The following ADAM29 variants were observed in gnomAD, a reference collection of about 807,000 sequenced individuals.
The protein encoded by ADAM29 is ADAM metallopeptidase domain 29, also known as disintegrin and metalloproteinase domain-containing protein 29.
For missense variants in ADAM29, 969 were observed against 1,001.8 expected (o/e 0.97, Z 0.44); for synonymous variants, 367 against 342.3 (o/e 1.07, Z -0.80).
At chr4:174,927,139 G>A (rs2110913528) in intron 2 of ADAM29, among the ~76,000 whole-genome samples, 1 of 152,180 alleles carries the variant, frequency 6.6e-6, no homozygotes, top group South Asian at 2.1e-4. Flanking sequence ...AGACAAACTG[G>A]AACATTCAAA....
In ADAM29 at chr4:174,957,274, C is replaced by T. The variant is rs114551057; in HGVS notation, c.-180-18072C>T. Among the ~76,000 whole-genome samples, 594 of 151,936 alleles carry T rather than the reference C, an allele frequency of 3.9e-3. 1 individual carries two copies. The highest frequency in any genetic ancestry group is 5.2e-3 in the Non-Finnish European group (354 of 67,762). ...AATCAACATTTATTGAGTACTCACT[C>T]TGTAATGAGCTTAATGCTAAGGATT... On this transcript the variant is annotated intron_variant, in intron 4 of 4. Transcript: ENST00000359240.
chr4:174,953,299 AG>A (rs1560878856), intron 4 of ADAM29, among the ~76,000 whole-genome samples: 1 of 152,200 alleles, frequency 6.6e-6, no homozygotes, highest in Admixed American at 6.5e-5. Flanking sequence ...ACAAAAAAAA[AG>A]AATGCTAATT....
In ADAM29 at chr4:174,937,958, T is replaced by C. The variant is rs760169320; in HGVS notation, c.-181+945T>C. Among the ~76,000 whole-genome samples, 64 of 152,104 alleles carry C rather than the reference T, an allele frequency of 4.2e-4. 1 individual carries two copies. The highest frequency in any genetic ancestry group is 6.2e-4 in the Non-Finnish European group (42 of 67,988). ...GAAATTAATGATATTTCATTGTTTG[T>C]AGTCCAACAAAAGTGTGTTGGCAGC... On this transcript the variant is annotated intron_variant, in intron 4 of 4. Coordinates refer to ENST00000359240, the MANE Select transcript of ADAM29 (RefSeq NM_014269.4).
intron 4 of ADAM29, among the ~76,000 whole-genome samples, chr4:174,963,370 T>A (rs1245382523): frequency 6.6e-6 from 1 of 152,170 alleles, no homozygotes; most frequent in East Asian, 1.9e-4. Context: ...TGTAAATTTA[T>A]ATAAAGGAAA....
Position 174,976,899 on chromosome 4 carries a change from G to T in ADAM29, c.1374G>T (p.Glu458Asp). The T allele has an allele frequency of 6.2e-7, 1 of 1,614,180 alleles. No homozygotes were observed. The highest frequency in any genetic ancestry group is 1.7e-4 in the Middle Eastern group (1 of 6,060). The change falls in exon 5 of 5, where the codon GAG becomes GAT. Residue 458 changes from glutamate (E) to aspartate (D), a missense_variant. Physicochemically the swap from Glu to Asp is conservative, Grantham distance 45. Coordinates refer to ENST00000359240, the MANE Select transcript of ADAM29 (RefSeq NM_014269.4). Reference sequence around the variant, plus strand: ...CATCAGGGAAAGTGTGTAGAAAGGAGGTCAATGAATGTGATCTTCCAGAGT... The same window carrying T: ...CATCAGGGAAAGTGTGTAGAAAGGATGTCAATGAATGTGATCTTCCAGAGT... ...FLPSGKVCRK[E>D]VNECDLPEWC...
intron 3 of ADAM29, among the ~76,000 whole-genome samples, chr4:174,931,948 A>G (rs1743906589): frequency 6.6e-6 from 1 of 152,178 alleles, no homozygotes; most frequent in Admixed American, 6.5e-5. Flanking sequence ...TTTCATATTT[A>G]CTTTCATTGA....
chr4:174,968,515 C>T (rs1746280296), intron 4 of ADAM29, among the ~76,000 whole-genome samples: 1 of 152,064 alleles, frequency 6.6e-6, no homozygotes, highest in Non-Finnish European at 1.5e-5. Context: ...TTAGACTTGA[C>T]CTTAGTGTGC....
At chr4:174,945,943 C>A (rs1310648133) in intron 4 of ADAM29, among the ~76,000 whole-genome samples, 1 of 152,014 alleles carries the variant, frequency 6.6e-6, no homozygotes, top group African/African-American at 2.4e-5. Flanking sequence ...CAGCTTTGTT[C>A]TTTTTGCTTA....
intron 3 of ADAM29, among the ~76,000 whole-genome samples, chr4:174,936,376 C>A (rs1051074525): frequency 6.6e-6 from 1 of 151,810 alleles, no homozygotes; most frequent in Admixed American, 6.6e-5. Context: ...TTTTACTGAA[C>A]GAAAATAAAT....
At position 174,976,268 on chromosome 4, in the gene ADAM29, T is replaced by C. The variant is rs1164087118; in HGVS notation, c.743T>C (p.Leu248Ser). 1.9e-6 allele frequency: 3 copies of C among 1,610,122 alleles called. No homozygotes were observed. In the South Asian group the frequency reaches 3.3e-5, roughly 18 times the overall value. ...GGTGTTAAGGTGTTATTATTTGGTTTGGAGATCTGGACCAATAAAAACCTC... is the reference window on the plus strand; with the variant it reads ...GGTGTTAAGGTGTTATTATTTGGTTCGGAGATCTGGACCAATAAAAACCTC... ...VIGVKVLLFG[L>S]EIWTNKNLIV... is the part of the protein sequence containing the mutation. The change falls in exon 5 of 5, where the codon TTG becomes TCG. Residue 248 changes from leucine (L) to serine (S), a missense_variant. Physicochemically the swap from Leu to Ser is moderately radical, Grantham distance 145. Coordinates refer to ENST00000359240, the MANE Select transcript of ADAM29 (RefSeq NM_014269.4).
At chr4:174,956,816 T>G (rs531578346) in intron 4 of ADAM29, among the ~76,000 whole-genome samples, 1 of 151,970 alleles carries the variant, frequency 6.6e-6, no homozygotes, top group South Asian at 2.1e-4. Context: ...CACTATGCAC[T>G]CTCCATAAAT....
chr4:174,923,523 A>ATGTG (rs879750030), intron 2 of ADAM29, among the ~76,000 whole-genome samples: 1,012 of 91,696 alleles, frequency 0.011, 10 homozygotes, highest in Middle Eastern at 0.032. Context: ...TGTGCATTAT[A>ATGTG]TGTATATATA....
intron 3 of ADAM29, among the ~76,000 whole-genome samples, chr4:174,933,641 C>T (rs570098501): frequency 6.6e-6 from 1 of 152,308 alleles, no homozygotes; most frequent in East Asian, 1.9e-4. Context: ...CCTCCATCCT[C>T]AAGGAGACCC....
chr4:174,957,777 T>C (rs1384101892), intron 4 of ADAM29, among the ~76,000 whole-genome samples: 1 of 151,842 alleles, frequency 6.6e-6, no homozygotes. Flanking sequence ...TCTATCTTTC[T>C]AAAAATATAA....
Position 174,975,408 on chromosome 4 carries a change from C to A in ADAM29, c.-118C>A. On this transcript the variant is annotated 5_prime_UTR_variant, in exon 5 of 5. It adds an upstream start codon to the 5' untranslated region. Transcript: ENST00000359240. The stretch of plus-strand genomic sequence containing the variant: ...GATCTTTAATGATTAGCACTACACA[C>A]TGACCAACTCAGAAGAAGGAGCCAC... 1 of 1,006,772 alleles carries A rather than the reference C, an allele frequency of 9.9e-7. No individual in the cohort carries two copies. The highest frequency in any genetic ancestry group is 1.4e-6 in the Non-Finnish European group (1 of 716,590). The allele number at this position is 1,006,772 out of a possible 1,614,324, so 62.4% of individuals were successfully genotyped here. A position where few individuals can be genotyped will look rare whatever the true frequency, so the allele number is the denominator to read the frequency against.
At position 174,920,164 on chromosome 4, in the gene ADAM29, C is replaced by T. The variant is rs151006155; in HGVS notation, c.-556-523C>T. On this transcript the variant is annotated intron_variant, in intron 1 of 4. Transcript: ENST00000359240. ...CTCTTCCATCTCAACAAACCAGTATCATGCAACTATTTTTCTACTAACCCA... is the reference window on the plus strand; with the variant it reads ...CTCTTCCATCTCAACAAACCAGTATTATGCAACTATTTTTCTACTAACCCA... 5.6e-3 allele frequency among the ~76,000 whole-genome samples: 846 copies of T among 152,232 alleles called. 11 individuals carry two copies. The highest frequency in any genetic ancestry group is 0.019 in the African/African-American group (789 of 41,546).
At chr4:174,932,861 C>G (rs754816522) in intron 3 of ADAM29, among the ~76,000 whole-genome samples, 11 of 152,100 alleles carry the variant, frequency 7.2e-5, no homozygotes, top group Non-Finnish European at 1.3e-4. Context: ...GAAAGGATGT[C>G]AGGAATCAAA....
chr4:174,959,460 T>C (rs907744690), intron 4 of ADAM29, among the ~76,000 whole-genome samples: 3 of 122,564 alleles, frequency 2.4e-5, no homozygotes, highest in Non-Finnish European at 3.5e-5. Context: ...AGAAAGACTG[T>C]GTGTGTGTGT....
Position 174,977,833 on chromosome 4 carries a change from C to A in ADAM29, c.2308C>A (p.Pro770Thr). The stretch of plus-strand genomic sequence containing the variant: ...TCCTGTGACACCCTCCCAGAGTCAA[C>A]CTCGGGTGATGCCTTCTCAGAGTCA... ...QPPVTPSQSQ[P>T]RVMPSQSQPP... is the part of the protein sequence containing the mutation. Residue 770 changes from proline to threonine, a missense_variant, in exon 5 of 5, where the codon CCT becomes ACT. Transcript: ENST00000359240. 1.3e-6 allele frequency: 2 copies of A among 1,585,560 alleles called. No individual in the cohort carries two copies. Among genetic ancestry groups the A allele is most frequent in the Non-Finnish European group, 1.7e-6 (2 of 1,164,806 alleles).
Sources: gnomAD v4.1 joint callset for allele counts (sites outside exome capture counted in the v4.1 genomes callset) on GRCh38, gnomAD v4.1.1 for gene constraint, MANE v1.5 for transcripts, NCBI Gene and HGNC (gene_info 2026-07-23, HGNC 2026-07-21) for gene names.